Variants in LLGL1 observed in about 807,000 individuals in gnomAD.
The protein encoded by LLGL1 is LLGL scribble cell polarity complex component 1.
LLGL1 carries 58 observed loss-of-function variants against 110.6 expected under a neutral mutation model. That is an observed-to-expected ratio of 0.52 (90% confidence interval 0.42 to 0.65). LLGL1 has a LOEUF of 0.65. Among genes scored for constraint, LLGL1 ranks in the 30% least tolerant of loss-of-function variants. The pLI is 0.00. For missense variants in LLGL1, 1,229 were observed against 1,462.1 expected (o/e 0.84, Z 2.60); for synonymous variants, 674 against 607.2 (o/e 1.11, Z -1.62).
chr17:18,229,526 G>A (rs1450699311), intron 1 of LLGL1, among the ~76,000 whole-genome samples: 1 of 152,186 alleles, frequency 6.6e-6, no homozygotes, highest in Non-Finnish European at 1.5e-5. Context: ...GCTTTAGTCT[G>A]TGCCTCTAAA....
chr17:18,241,780 C>G, intron 18 of LLGL1, 65 bp downstream of exon 18: 1 of 1,607,674 alleles, frequency 6.2e-7, no homozygotes, highest in Non-Finnish European at 8.5e-7. Context: ...ACCAGTACTG[C>G]TTGGGAGCAG....
chr17:18,236,562 G>T, intron 11 of LLGL1, 45 bp from the exon 12 acceptor site: 1 of 1,572,756 alleles, frequency 6.4e-7, no homozygotes, highest in Non-Finnish European at 8.7e-7. Context: ...GGGCGTGCAG[G>T]CCTCCCAGGA....
chr17:18,236,592 C>T lies in LLGL1; in HGVS notation c.1353-15C>T. On this transcript the variant is annotated splice_polypyrimidine_tract_variant and intron_variant, in intron 11 of 22. Transcript: ENST00000316843. ...CCAGGAACTCGGGTAGCCCTGACAT[C>T]TGCCCTCCCTGCAGCCATGAGGACG... 1.2e-6 allele frequency: 2 copies of T among 1,600,958 alleles called. No individual in the cohort carries two copies. Among genetic ancestry groups the T allele is most frequent in the South Asian group, 1.1e-5 (1 of 90,322 alleles).
chr17:18,236,465 A>C, intron 11 of LLGL1, 142 bp from the exon 12 acceptor site: 2 of 788,504 alleles, frequency 2.5e-6, no homozygotes, highest in Admixed American at 2.3e-5. Flanking sequence ...GTAGGTGCCT[A>C]TTGTTTTTTG....
chr17:18,234,378 C>T lies in LLGL1; in HGVS notation c.820C>T (p.Leu274=). ...WSVDAGSFPT[L]QPTVATTPYG... ...TGTGGATGCCGGCAGCTTCCCAACG[C>T]TGCAGCCCACGGTAGCCACCACACC... Residue 274 remains leucine (L), a synonymous_variant, in exon 7 of 23, where the codon CTG becomes TTG. Coordinates refer to ENST00000316843, the MANE Select transcript of LLGL1 (RefSeq NM_004140.4). 1.2e-6 allele frequency: 2 copies of T among 1,612,224 alleles called. No individual in the cohort carries two copies. Among genetic ancestry groups the T allele is most frequent in the Non-Finnish European group, 1.7e-6 (2 of 1,179,802 alleles).
rs760825714 is a variant in LLGL1, at chr17:18,241,980, C to T, written c.2863C>T (p.Arg955Cys). 8.7e-6 allele frequency: 14 copies of T among 1,613,834 alleles called. No homozygotes were observed. The highest frequency in any genetic ancestry group is 6.7e-5 in the East Asian group (3 of 44,888). The stretch of plus-strand genomic sequence containing the variant: ...CTGCTCTCTGGACATTAACTGGCCC[C>T]GCGATGCCACCCAGGCCAGGTGTGT... ...PLCSLDINWP[R>C]DATQASYRIR... Residue 955 changes from arginine (R) to cysteine (C), a missense_variant, in exon 19 of 23, where the codon CGC becomes TGC. Transcript: ENST00000316843.
Position 18,233,877 on chromosome 17 carries a change from T to C in LLGL1, c.492T>C (p.Asp164=), listed in dbSNP as rs2047625323. 1 of 1,613,746 alleles carries C rather than the reference T, an allele frequency of 6.2e-7. No individual in the cohort carries two copies. Among genetic ancestry groups the C allele is most frequent in the East Asian group, 2.2e-5 (1 of 44,878 alleles). Residue 164 remains aspartate (D), a synonymous_variant, in exon 5 of 23, where the codon GAT becomes GAC. Transcript: ENST00000316843. ...GTEGSSVFFL[D]VTTLTLLEGQ... ...AGGGCAGCAGTGTCTTCTTCCTGGA[T>C]GTTACCACCCTGACCCTGCTCGAGG...
Position 18,237,461 on chromosome 17 carries a change from C to G in LLGL1, c.1612-20C>G, listed in dbSNP as rs753357825. ...CCCCTCCCCTGCGCTGATGCTCCCC[C>G]TGCCTGGCTGTGGGCTCAGGTGCTG... On this transcript the variant is annotated intron_variant, in intron 13 of 22. Coordinates refer to ENST00000316843, the MANE Select transcript of LLGL1 (RefSeq NM_004140.4). 6 of 1,554,680 alleles carry G rather than the reference C, an allele frequency of 3.9e-6. No individual in the cohort carries two copies. The highest frequency in any genetic ancestry group is 3.6e-5 in the Admixed American group (2 of 56,010).
rs148326696 is a variant in LLGL1, at chr17:18,240,784, G to A, written c.2413G>A (p.Glu805Lys). The change falls in exon 17 of 23, where the codon GAG becomes AAG. Residue 805 changes from glutamate to lysine, a missense_variant. Glu to Lys is a moderately conservative substitution (Grantham distance 56). Transcript: ENST00000316843. This position sits in a 1 kb window ranked among gnomAD's most constrained non-coding sequence, Gnocchi z 5.3. ...VLDGRGRPLP[E>K]PYEASRDLAQ... The stretch of plus-strand genomic sequence containing the variant: ...GGACGGGCGTGGCCGCCCACTGCCC[G>A]AGCCCTACGAGGCCTCACGGGACCT... 1.9e-6 allele frequency: 3 copies of A among 1,599,614 alleles called. No individual in the cohort carries two copies. The highest frequency in any genetic ancestry group is 2.6e-6 in the Non-Finnish European group (3 of 1,172,880).
Position 18,234,401 on chromosome 17 carries a change from A to G in LLGL1, c.843A>G (p.Thr281=), listed in dbSNP as rs755296786. Residue 281 remains threonine, a synonymous_variant, in exon 7 of 23, where the codon ACA becomes ACG. Transcript: ENST00000316843. ...CGCTGCAGCCCACGGTAGCCACCAC[A>G]CCTTACGGTGAGTGCTGGGGACACC... is the stretch of plus-strand genomic sequence containing the variant. The part of the protein sequence containing the change: ...FPTLQPTVAT[T]PYGPFPCKAI... 6.2e-7 allele frequency: 1 copy of G among 1,612,516 alleles called. No homozygotes were observed. Among genetic ancestry groups the G allele is most frequent in the Non-Finnish European group, 8.5e-7 (1 of 1,179,900 alleles).
intron 8 of LLGL1, 52 bp from the exon 9 acceptor site, chr17:18,234,783 AGTAT>A: frequency 6.2e-7 from 1 of 1,613,714 alleles, no homozygotes; most frequent in Non-Finnish European, 8.5e-7. Context: ...TAGGTTGTGC[AGTAT>A]GTGCTCTGGA....
chr17:18,235,638 G>GT, intron 11 of LLGL1, 101 bp downstream of exon 11: 3 of 1,173,538 alleles, frequency 2.6e-6, no homozygotes, highest in Non-Finnish European at 3.6e-6. Context: ...CTCAGGCCTG[G>GT]CCCCTGGTGG....
At chr17:18,226,864 T>TGATGGCA (rs1364684164) in intron 1 of LLGL1, among the ~76,000 whole-genome samples, 1 of 152,254 alleles carries the variant, frequency 6.6e-6, no homozygotes, top group African/African-American at 2.4e-5. Context: ...CAGAGCCCAC[T>TGATGGCA]GATGGCAGAG....
chr17:18,230,848 A>G (rs1044340323), intron 2 of LLGL1, among the ~76,000 whole-genome samples: 1 of 152,164 alleles, frequency 6.6e-6, no homozygotes, highest in African/African-American at 2.4e-5. Flanking sequence ...GGCACTGATC[A>G]GGCAGGGATG....
chr17:18,234,996 G>A lies in LLGL1; in HGVS notation c.1060+3G>A. 6.2e-7 allele frequency: 1 copy of A among 1,613,788 alleles called. No individual in the cohort carries two copies. The stretch of plus-strand genomic sequence containing the variant: ...GCACAGCACACGGCCCGAGGATGGT[G>A]CGTGCCCTGCCGTACCCTACCCTTT... On this transcript the variant is annotated splice_donor_region_variant and intron_variant, in intron 9 of 22. Transcript: ENST00000316843.
At chr17:18,231,999 C>T (rs1473624622) in intron 2 of LLGL1, among the ~76,000 whole-genome samples, 3 of 152,210 alleles carry the variant, frequency 2.0e-5, no homozygotes, top group Non-Finnish European at 2.9e-5. Context: ...TGGCCTGAAG[C>T]TGTGGGAAAA....
In LLGL1 at chr17:18,244,736, A is replaced by AGGGGG. The variant is rs1567700333; in HGVS notation, c.*836_*840dup. On this transcript the variant is annotated 3_prime_UTR_variant, in exon 23 of 23. Transcript: ENST00000316843. Reference sequence around the variant, plus strand: ...TGTGTGTCCGGCGGGGGGGGGGGGCAGGGGGGGGGGTCAAGATGAGTTTCC... The same window carrying AGGGGG: ...TGTGTGTCCGGCGGGGGGGGGGGGCAGGGGGGGGGGGGGGGTCAAGATGAGTTTCC... 323 of 10,198 alleles carry AGGGGG rather than the reference A, an allele frequency of 0.032. 41 individuals carry two copies. Among genetic ancestry groups the AGGGGG allele is most frequent in the East Asian group, 0.042 (9 of 212 alleles). The allele number at this position is 10,198 out of a possible 1,614,324, so 0.6% of individuals were successfully genotyped here.
chr17:18,239,745 G>A (rs928865514), intron 16 of LLGL1, among the ~76,000 whole-genome samples: 4 of 151,866 alleles, frequency 2.6e-5, no homozygotes, highest in African/African-American at 7.3e-5. Flanking sequence ...GGGGGTGGGG[G>A]GTTCTTTGAC....
chr17:18,227,179 C>T (rs1054567921), intron 1 of LLGL1, among the ~76,000 whole-genome samples: 2 of 152,154 alleles, frequency 1.3e-5, no homozygotes, highest in Non-Finnish European at 2.9e-5. Flanking sequence ...CAGGGTTTCC[C>T]TGCCTAGGTC....
Sources: gnomAD v4.1 joint callset for allele counts (sites outside exome capture counted in the v4.1 genomes callset) on GRCh38, gnomAD v4.1.1 for gene constraint, Gnocchi (gnomAD v3.1) non-coding constraint, MANE v1.5 for transcripts, NCBI Gene and HGNC (gene_info 2026-07-23, HGNC 2026-07-21) for gene names.